Variants in PLCG2 observed in about 807,000 individuals in gnomAD.
The protein encoded by PLCG2 is 1-phosphatidylinositol 4,5-bisphosphate phosphodiesterase gamma-2.
PLCG2 carries 69 observed loss-of-function variants against 175.6 expected under a neutral mutation model. The observed-to-expected ratio is 0.39, with a 90% confidence interval of 0.32 to 0.48. PLCG2 has a LOEUF of 0.48. PLCG2 is among the 20% of genes least tolerant of loss of function. PLCG2 has a pLI of 0.91. For missense variants in PLCG2, 1,798 were observed against 1,650.9 expected (o/e 1.09, Z -1.54); for synonymous variants, 827 against 624.0 (o/e 1.33, Z -4.85).
chr16:81,948,909 A>G (rs998800383), intron 31 of PLCG2, among the ~76,000 whole-genome samples: 1 of 152,232 alleles, frequency 6.6e-6, no homozygotes, highest in African/African-American at 2.4e-5. Flanking sequence ...GTTGAAACTG[A>G]GCCAGTGGAA....
intron 9 of PLCG2, among the ~76,000 whole-genome samples, chr16:81,888,962 A>G (rs149565026): frequency 1.3e-5 from 2 of 152,138 alleles, no homozygotes; most frequent in African/African-American, 4.8e-5. Flanking sequence ...AGCCCAAAAT[A>G]TTTACCTCTG....
intron 9 of PLCG2, among the ~76,000 whole-genome samples, chr16:81,884,655 A>C (rs935353003): frequency 6.6e-6 from 1 of 151,224 alleles, no homozygotes; most frequent in Non-Finnish European, 1.5e-5. Context: ...ATAAATCTCA[A>C]ATTTTTGTTT....
In PLCG2 at chr16:81,931,544, G is replaced by C; in HGVS notation, c.2629G>C (p.Glu877Gln). 6.2e-7 allele frequency: 1 copy of C among 1,614,060 alleles called. No individual in the cohort carries two copies. The highest frequency in any genetic ancestry group is 8.5e-7 in the Non-Finnish European group (1 of 1,179,966). The change falls in exon 25 of 33, where the codon GAG becomes CAG. Residue 877 changes from glutamate (E) to glutamine (Q), a missense_variant. Coordinates refer to ENST00000564138, the MANE Select transcript of PLCG2 (RefSeq NM_002661.5). ...CCAGAAGTCCTTTGTCTTCATCCTG[G>C]AGCCCAAGCAGCAGGGCGATCCTCC... is the stretch of plus-strand genomic sequence containing the variant. ...KNQKSFVFIL[E>Q]PKQQGDPPVE...
chr16:81,801,968 A>C (rs1277544154), intron 2 of PLCG2, among the ~76,000 whole-genome samples: 1 of 152,050 alleles, frequency 6.6e-6, no homozygotes, highest in Non-Finnish European at 1.5e-5. Context: ...GGCATCAGCC[A>C]TCACACCTGG....
intron 4 of PLCG2, 92 bp downstream of exon 4, chr16:81,858,448 AAAAG>A (rs1906798315): frequency 1.3e-6 from 1 of 748,508 alleles, no homozygotes; most frequent in Non-Finnish European, 2.3e-6. Flanking sequence ...GAAAAAAAAA[AAAAG>A]GGACATTGGT....
At chr16:81,928,816 T>A in intron 24 of PLCG2, 192 bp downstream of exon 24, 1 of 516,890 alleles carries the variant, frequency 1.9e-6, no homozygotes. Flanking sequence ...TAATCTCTAC[T>A]AAAACTGTAA....
At chr16:81,794,606 C>T (rs143112127) in intron 2 of PLCG2, among the ~76,000 whole-genome samples, 1 of 152,262 alleles carries the variant, frequency 6.6e-6, no homozygotes, top group East Asian at 1.9e-4. Context: ...GCCTCCATTT[C>T]CTTATCTATA....
At chr16:81,851,478 C>A (rs1393256156) in intron 2 of PLCG2, among the ~76,000 whole-genome samples, 1 of 152,072 alleles carries the variant, frequency 6.6e-6, no homozygotes, top group African/African-American at 2.4e-5. Context: ...AGATGACGTG[C>A]TGTTTTTTTA....
At chr16:81,792,084 A>G (rs1597321107) in intron 2 of PLCG2, among the ~76,000 whole-genome samples, 1 of 152,222 alleles carries the variant, frequency 6.6e-6, no homozygotes, top group Non-Finnish European at 1.5e-5. Context: ...GATGGTGGCC[A>G]CCAGCAGCCA....
intron 28 of PLCG2, among the ~76,000 whole-genome samples, chr16:81,938,290 C>G (rs1910799952): frequency 1.3e-5 from 2 of 152,034 alleles, no homozygotes; most frequent in African/African-American, 4.8e-5. Flanking sequence ...TAAAATTCAT[C>G]TGACTTTCAG....
Position 81,854,393 on chromosome 16 carries a change from C to T in PLCG2, c.194-51C>T, listed in dbSNP as rs750354478. ...GGCTGCAGTTGTGTGGCTGCATCCT[C>T]AGGTGGAGGGAACTCCAGCTTCTAA... On this transcript the variant is annotated intron_variant, in intron 2 of 32. Transcript: ENST00000564138. 8.9e-6 allele frequency: 14 copies of T among 1,568,816 alleles called. 1 individual carries two copies. In the South Asian group the frequency reaches 1.0e-4, roughly 11 times the overall value.
At chr16:81,803,054 G>A (rs1417369721) in intron 2 of PLCG2, among the ~76,000 whole-genome samples, 1 of 150,368 alleles carries the variant, frequency 6.7e-6, no homozygotes, top group Non-Finnish European at 1.5e-5. Context: ...TCTACTTTTT[G>A]CCTTTACAGA....
intron 2 of PLCG2, among the ~76,000 whole-genome samples, chr16:81,831,944 C>T (rs1171681252): frequency 6.6e-6 from 1 of 152,214 alleles, no homozygotes; most frequent in Non-Finnish European, 1.5e-5. Flanking sequence ...AAAGCGGGGG[C>T]AGGGGTGACT....
chr16:81,877,424 C>T (rs1483220556), intron 7 of PLCG2, among the ~76,000 whole-genome samples: 1 of 152,230 alleles, frequency 6.6e-6, no homozygotes, highest in Non-Finnish European at 1.5e-5. Flanking sequence ...CACTGCACTC[C>T]AGCCTGGGCG....
intron 22 of PLCG2, among the ~76,000 whole-genome samples, chr16:81,925,792 CAGG>C: frequency 1.3e-5 from 2 of 151,658 alleles, no homozygotes; most frequent in East Asian, 3.9e-4. Context: ...GGGGCTGAGG[CAGG>C]AGAATTGCTT....
At chr16:81,900,562 C>G (rs1909105514) in intron 13 of PLCG2, 50 bp from the exon 14 acceptor site, 2 of 1,523,848 alleles carry the variant, frequency 1.3e-6, no homozygotes, top group Non-Finnish European at 1.8e-6. Flanking sequence ...GGGGCAGATG[C>G]AGAGGTGTGT....
At chr16:81,871,580 G>C (rs4997774) in intron 7 of PLCG2, among the ~76,000 whole-genome samples, 83,073 of 151,918 alleles carry the variant, frequency 0.55, 23,467 homozygotes, top group Middle Eastern at 0.62. Context: ...TCAACTGATC[G>C]GCCCGCCTCC....
chr16:81,832,852 G>A lies in PLCG2; in HGVS notation c.194-21592G>A, dbSNP rs564498064. On this transcript the variant is annotated intron_variant, in intron 2 of 32. Coordinates refer to ENST00000564138, the MANE Select transcript of PLCG2 (RefSeq NM_002661.5). ...GGGAGACCCTGTGGGTGACCCATTA[G>A]CCATAAGAGAGCAGGCTAAGTGCCC... Among the ~76,000 whole-genome samples, 6 of 152,364 alleles carry A rather than the reference G, an allele frequency of 3.9e-5. No individual in the cohort carries two copies. The South Asian group carries it at 1.2e-3, about 32-fold the overall frequency.
At chr16:81,864,997 G>A (rs571728490) in intron 5 of PLCG2, among the ~76,000 whole-genome samples, 5 of 152,206 alleles carry the variant, frequency 3.3e-5, no homozygotes, top group African/African-American at 4.8e-5. Context: ...GATCTGAGAC[G>A]CAGGTTTGTG....
Sources: gnomAD v4.1 joint callset for allele counts (sites outside exome capture counted in the v4.1 genomes callset) on GRCh38, gnomAD v4.1.1 for gene constraint, MANE v1.5 for transcripts, NCBI Gene and HGNC (gene_info 2026-07-23, HGNC 2026-07-21) for gene names.